LIMCH1: variants seen among roughly 807,000 people sequenced by gnomAD.
LIMCH1 encodes LIM and calponin homology domains-containing protein 1.
In LIMCH1, 113 loss-of-function variants were observed where a neutral mutation model predicts 176.5. The ratio of observed to expected loss-of-function variants is 0.64; its 90% CI spans 0.55 to 0.75. The LOEUF (loss-of-function observed/expected upper bound fraction) is 0.75. Ranked by LOEUF, LIMCH1 falls within the 30% of genes least tolerant of loss-of-function variation. The pLI is 0.00. For missense variants in LIMCH1, 1,674 were observed against 1,814.9 expected, an observed-to-expected ratio of 0.92 and a Z score of 1.41; for synonymous variants, 619 against 645.9, an observed-to-expected ratio of 0.96 and a Z score of 0.63.
chr4:41,384,796 A>G (rs778070859), intron 1 of LIMCH1, among the ~76,000 whole-genome samples: 15 of 152,344 alleles, frequency 9.8e-5, no homozygotes, highest in Admixed American at 3.9e-4. Context: ...CGTTGTCTTC[A>G]AAGTCCACTC....
intron 18 of LIMCH1, among the ~76,000 whole-genome samples, chr4:41,654,302 C>T (rs867749575): frequency 5.3e-5 from 8 of 152,050 alleles, no homozygotes; most frequent in African/African-American, 1.2e-4. Context: ...GTGAGTGAGC[C>T]GCAGCTCCCA....
intron 1 of LIMCH1, among the ~76,000 whole-genome samples, chr4:41,471,753 A>G (rs2066988734): frequency 1.3e-5 from 2 of 152,072 alleles, no homozygotes; most frequent in South Asian, 2.1e-4. Flanking sequence ...TGTGTTTTGT[A>G]TCTGTATTGT....
At chr4:41,665,907 A>G (rs1420314879) in intron 20 of LIMCH1, among the ~76,000 whole-genome samples, 1 of 152,210 alleles carries the variant, frequency 6.6e-6, no homozygotes, top group Non-Finnish European at 1.5e-5. Context: ...AAACATAAGA[A>G]TTTTTAAAGT....
Position 41,682,365 on chromosome 4 carries a change from A to G in LIMCH1, c.3750A>G (p.Glu1250=), listed in dbSNP as rs370518236. 6 of 1,612,572 alleles carry G rather than the reference A, an allele frequency of 3.7e-6. No homozygotes were observed. The highest frequency in any genetic ancestry group is 4.2e-6 in the Non-Finnish European group (5 of 1,178,862). Residue 1250 remains glutamate, a synonymous_variant, in exon 26 of 32, where the codon GAA becomes GAG. Coordinates refer to ENST00000503057, the MANE Select transcript of LIMCH1 (RefSeq NM_001330672.2). ...TAGACCTGGGAAACTGTCAAGATGA[A>G]AAACAAGACAGAAGATGGAAGAAAT... ...NKIDLGNCQD[E]KQDRRWKKSF... is the part of the protein sequence containing the mutation.
intron 1 of LIMCH1, among the ~76,000 whole-genome samples, chr4:41,548,701 T>C (rs2079945613): frequency 1.3e-5 from 2 of 152,208 alleles, no homozygotes; most frequent in South Asian, 4.1e-4. Context: ...TTTTGTCTCT[T>C]TGCCAGTGGC....
At chr4:41,525,985 A>G (rs887578571) in intron 3 of LIMCH1, among the ~76,000 whole-genome samples, 3 of 152,194 alleles carry the variant, frequency 2.0e-5, no homozygotes, top group African/African-American at 7.2e-5. Context: ...CAGTAGCTAA[A>G]GAGAAAAGGC....
chr4:41,591,246 G>T (rs557655800), intron 1 of LIMCH1, among the ~76,000 whole-genome samples: 16 of 148,232 alleles, frequency 1.1e-4, no homozygotes, highest in East Asian at 5.9e-4. Context: ...TTTCTTTCTT[G>T]CTTGCTTGCT....
chr4:41,463,660 C>T (rs1421597572), intron 1 of LIMCH1, among the ~76,000 whole-genome samples: 2 of 151,824 alleles, frequency 1.3e-5, no homozygotes, highest in Admixed American at 6.6e-5. Context: ...ACTGCAGCCC[C>T]CATTTCCTCA....
intron 3 of LIMCH1, among the ~76,000 whole-genome samples, chr4:41,532,622 G>A (rs1051439752): frequency 2.0e-5 from 3 of 152,180 alleles, no homozygotes; most frequent in Admixed American, 2.0e-4. Context: ...ACCGGGTGAA[G>A]GGGAGTTCTG....
At chr4:41,684,245 A>G (rs760126350) in intron 26 of LIMCH1, 152 bp from the exon 27 acceptor site, 1 of 603,984 alleles carries the variant, frequency 1.7e-6, no homozygotes, top group Non-Finnish European at 2.6e-6. Context: ...GTACTTTATC[A>G]TTTTAAATCT....
In LIMCH1 at chr4:41,488,830, C is replaced by A. The variant is rs570470670; in HGVS notation, c.97-5706C>A. Among the ~76,000 whole-genome samples, 3 of 152,120 alleles carry A rather than the reference C, an allele frequency of 2.0e-5. No homozygotes were observed. In the East Asian group the frequency reaches 5.8e-4, roughly 29 times the overall value. ...GTCTGGTTTCGATATCAGGGTAATA[C>A]TAACCTATTAAAATGAATTGGGAAC... is the stretch of plus-strand genomic sequence containing the variant. On this transcript the variant is annotated intron_variant, in intron 1 of 26. Coordinates refer to the LIMCH1 transcript ENST00000313860.
chr4:41,617,867 C>T (rs1317447228), intron 5 of LIMCH1, among the ~76,000 whole-genome samples: 1 of 152,162 alleles, frequency 6.6e-6, no homozygotes, highest in Non-Finnish European at 1.5e-5. Context: ...AAAGAGTAGC[C>T]AGCATTTATT....
chr4:41,612,372 G>A, intron 4 of LIMCH1: 1 of 573,518 alleles, frequency 1.7e-6, no homozygotes, highest in Non-Finnish European at 3.1e-6. Flanking sequence ...ATGCAGAGGG[G>A]ACTTTCGCGA....
chr4:41,547,738 C>T (rs985455933), intron 1 of LIMCH1, among the ~76,000 whole-genome samples: 1 of 140,724 alleles, frequency 7.1e-6, no homozygotes, highest in Admixed American at 7.2e-5. Context: ...ATAATATATA[C>T]ATAAATAATA....
intron 1 of LIMCH1, among the ~76,000 whole-genome samples, chr4:41,549,718 G>C (rs1021284488): frequency 3.3e-5 from 5 of 151,982 alleles, no homozygotes; most frequent in Admixed American, 2.0e-4. Context: ...GTATCTTGTG[G>C]GTTAGTGATA....
At chr4:41,664,984 T>G (rs1372804720) in intron 20 of LIMCH1, among the ~76,000 whole-genome samples, 1 of 152,208 alleles carries the variant, frequency 6.6e-6, no homozygotes, top group Admixed American at 6.5e-5. Context: ...GAATACTGTT[T>G]TGTTGACTCC....
In LIMCH1 at chr4:41,680,978, T is replaced by C; in HGVS notation, c.3636T>C (p.Thr1212=). 1 of 1,607,416 alleles carries C rather than the reference T, an allele frequency of 6.2e-7. No individual in the cohort carries two copies. The highest frequency in any genetic ancestry group is 8.5e-7 in the Non-Finnish European group (1 of 1,174,108). ...AGGAGCGTAAGATAATTGAAGACAC[T>C]GTGGTTCCATTTACTGTTTCTTCAA... ...YEEERKIIED[T]VVPFTVSSSS... Residue 1212 remains threonine, a synonymous_variant, in exon 25 of 32, where the codon ACT becomes ACC. Coordinates refer to ENST00000503057, the MANE Select transcript of LIMCH1 (RefSeq NM_001330672.2).
In LIMCH1 at chr4:41,632,775, A is replaced by T. The variant is rs1264101134; in HGVS notation, c.1628A>T (p.Tyr543Phe). The T allele has an allele frequency of 1.3e-6, 2 of 1,536,288 alleles. No homozygotes were observed. The highest frequency in any genetic ancestry group is 2.4e-5 in the South Asian group (2 of 84,054). The change falls in exon 11 of 32, where the codon TAT (tyrosine) becomes TTT (phenylalanine). Residue 543 changes from tyrosine to phenylalanine, a missense_variant. Coordinates refer to ENST00000503057, the MANE Select transcript of LIMCH1 (RefSeq NM_001330672.2). ...ACAATGAATTGTGGCCGAGGTGACT[A>T]TTGCAGAAGGGCCTCGTGGCTGGCT... ...CRTMNCGRGD[Y>F]CRRASWLAPV...
chr4:41,391,137 G>A (rs1036215680), intron 1 of LIMCH1, among the ~76,000 whole-genome samples: 1 of 152,164 alleles, frequency 6.6e-6, no homozygotes, highest in African/African-American at 2.4e-5. Context: ...TTGGATCACT[G>A]CCAAGGATAT....
Sources: allele counts gnomAD v4.1 joint callset (sites outside exome capture counted in the v4.1 genomes callset), GRCh38; gene constraint gnomAD v4.1.1; transcripts MANE v1.5; gene names NCBI Gene and HGNC (gene_info 2026-07-23, HGNC 2026-07-21).